SCYL2: variants seen among roughly 807,000 people sequenced by gnomAD.
SCYL2 encodes SCY1-like protein 2.
In SCYL2, 36 loss-of-function variants were observed where a neutral mutation model predicts 100.4. That is an observed-to-expected ratio of 0.36 (90% CI 0.27 to 0.47). The LOEUF (loss-of-function observed/expected upper bound fraction) is 0.47, where lower values mean the gene tolerates loss of function less well. Ranked by LOEUF, SCYL2 falls within the 20% of genes least tolerant of loss-of-function variation. SCYL2 has a pLI of 1.00. For missense variants in SCYL2, 902 were observed against 1,083.9 expected (o/e 0.83, Z 2.36); for synonymous variants, 330 against 359.2 (o/e 0.92, Z 0.92).
intron 1 of SCYL2, among the ~76,000 whole-genome samples, chr12:100,279,273 A>G (rs1351079568): frequency 6.6e-6 from 1 of 152,194 alleles, no homozygotes; most frequent in Non-Finnish European, 1.5e-5. Flanking sequence ...TGTGCAGTTC[A>G]CAGTAGGGTT....
intron 10 of SCYL2, chr12:100,319,103 A>G: frequency 2.8e-6 from 1 of 355,574 alleles, no homozygotes; most frequent in South Asian, 2.3e-5. Context: ...TAAAGTTAAT[A>G]TGAACCTAAT....
At chr12:100,299,460 C>A (rs934023443) in intron 4 of SCYL2, among the ~76,000 whole-genome samples, 1 of 152,174 alleles carries the variant, frequency 6.6e-6, no homozygotes, top group African/African-American at 2.4e-5. Flanking sequence ...CAAGATACTG[C>A]ATCTATTTGT....
At chr12:100,320,186 G>C (rs2096354008) in intron 10 of SCYL2, among the ~76,000 whole-genome samples, 1 of 152,108 alleles carries the variant, frequency 6.6e-6, no homozygotes, top group Non-Finnish European at 1.5e-5. Context: ...ACTCCTTTGA[G>C]GTTTGATTTT....
intron 13 of SCYL2, 137 bp downstream of exon 13, chr12:100,329,456 T>G: frequency 2.0e-6 from 1 of 511,244 alleles, no homozygotes; most frequent in Admixed American, 2.9e-5. Flanking sequence ...ATGAAGAAAG[T>G]TTGTGGGTGG....
Position 100,323,569 on chromosome 12 carries a change from C to T in SCYL2, c.1440C>T (p.Asp480=). 3 of 1,605,996 alleles carry T rather than the reference C, an allele frequency of 1.9e-6. No individual in the cohort carries two copies. Among genetic ancestry groups the T allele is most frequent in the Admixed American group, 1.7e-5 (1 of 58,924 alleles). The change falls in exon 11 of 18, where the codon GAC becomes GAT. Residue 480 remains aspartate, a synonymous_variant. Transcript: ENST00000360820. The part of the protein sequence containing the change: ...NIIPTFANLI[D]YPSMKNALIP... ...TTCCAACCTTTGCAAATCTTATAGA[C>T]TACCCATCCATGAAAAACGCTTTGA... is the stretch of plus-strand genomic sequence containing the variant.
At position 100,267,205 on chromosome 12, in the gene SCYL2, TC is replaced by T; in HGVS notation, c.-612del. 1.0e-6 allele frequency: 1 copy of T among 981,324 alleles called. No homozygotes were observed. The highest frequency in any genetic ancestry group is 1.7e-5 in the South Asian group (1 of 59,394). The allele number at this position is 981,324 out of a possible 1,614,324, so 60.8% of individuals were successfully genotyped here. A position where few individuals can be genotyped will look rare whatever the true frequency, so the allele number is the denominator to read the frequency against. On this transcript the variant is annotated 5_prime_UTR_variant, in exon 1 of 18. Coordinates refer to ENST00000360820, the MANE Select transcript of SCYL2 (RefSeq NM_017988.6). ...CTTTTTCCCCCTCCCTTACTCTTCG[TC>T]CCCGGTCCCTCCCCTCCCCACCCCT... is the stretch of plus-strand genomic sequence containing the variant.
At chr12:100,289,318 G>A (rs1023990718) in intron 2 of SCYL2, among the ~76,000 whole-genome samples, 1 of 152,140 alleles carries the variant, frequency 6.6e-6, no homozygotes, top group Non-Finnish European at 1.5e-5. Context: ...TTTCTGGGGC[G>A]ACAGAATGAT....
Position 100,335,899 on chromosome 12 carries a change from A to G in SCYL2, c.2018A>G (p.His673Arg), listed in dbSNP as rs765061514. ...AAAGAGGACGGGTTACAGAATAAAC[A>G]TAAAAGAGTGAGTTTCCTTACTGTT... is the stretch of plus-strand genomic sequence containing the variant. ...ENKEDGLQNK[H>R]KRASLTLEEK... Residue 673 changes from histidine (H) to arginine (R), a missense_variant, in exon 16 of 18, where the codon CAT becomes CGT. His to Arg is a conservative substitution (Grantham distance 29). Transcript: ENST00000360820. 28 of 1,610,898 alleles carry G rather than the reference A, an allele frequency of 1.7e-5. No individual in the cohort carries two copies. The highest frequency in any genetic ancestry group is 2.3e-5 in the Non-Finnish European group (27 of 1,177,402).
intron 6 of SCYL2, among the ~76,000 whole-genome samples, chr12:100,313,026 G>A (rs1206063440): frequency 2.0e-5 from 3 of 152,164 alleles, no homozygotes; most frequent in Non-Finnish European, 2.9e-5. Context: ...TTGGAAGGCC[G>A]ATCAGGGTGG....
At chr12:100,289,118 T>C (rs887764739) in intron 2 of SCYL2, among the ~76,000 whole-genome samples, 2 of 152,158 alleles carry the variant, frequency 1.3e-5, no homozygotes, top group African/African-American at 4.8e-5. Flanking sequence ...AGGTCATTTG[T>C]TTTTAGTTCG....
At chr12:100,307,482 CAAA>C (rs2096336067) in intron 4 of SCYL2, among the ~76,000 whole-genome samples, 1 of 152,136 alleles carries the variant, frequency 6.6e-6, no homozygotes, top group Non-Finnish European at 1.5e-5. Flanking sequence ...ACACCTTATA[CAAA>C]AATTAACTCA....
At chr12:100,283,925 C>T (rs751748718) in intron 2 of SCYL2, among the ~76,000 whole-genome samples, 8 of 152,166 alleles carry the variant, frequency 5.3e-5, no homozygotes, top group Non-Finnish European at 1.2e-4. Flanking sequence ...TGATCTGCAT[C>T]TGAAATGCTG....
chr12:100,299,536 C>T (rs140770757), intron 4 of SCYL2, among the ~76,000 whole-genome samples: 36 of 152,148 alleles, frequency 2.4e-4, no homozygotes, highest in Non-Finnish European at 4.0e-4. Flanking sequence ...TTTGTCTGTC[C>T]CTTGTCTCAG....
At chr12:100,280,285 GA>G (rs1190627516) in intron 1 of SCYL2, among the ~76,000 whole-genome samples, 4 of 152,178 alleles carry the variant, frequency 2.6e-5, no homozygotes, top group South Asian at 4.2e-4. Flanking sequence ...AAAATGTATA[GA>G]AAAAATTGTT....
intron 4 of SCYL2, among the ~76,000 whole-genome samples, chr12:100,303,396 T>C (rs1207919415): frequency 6.6e-6 from 1 of 152,222 alleles, no homozygotes; most frequent in African/African-American, 2.4e-5. Flanking sequence ...TATCTACCTT[T>C]GGTCTTTGAT....
At chr12:100,322,489 G>A (rs1262736018) in intron 10 of SCYL2, among the ~76,000 whole-genome samples, 1 of 151,976 alleles carries the variant, frequency 6.6e-6, no homozygotes, top group East Asian at 1.9e-4. Context: ...GGTCTCAGTG[G>A]TTCATGCCTA....
intron 2 of SCYL2, among the ~76,000 whole-genome samples, chr12:100,284,814 T>C (rs1364887171): frequency 1.3e-5 from 2 of 152,174 alleles, no homozygotes; most frequent in Admixed American, 6.5e-5. Context: ...TTCTCACTAT[T>C]ATTTTTTTCT....
chr12:100,323,286 G>C (rs1022015686), intron 10 of SCYL2, among the ~76,000 whole-genome samples: 2 of 152,136 alleles, frequency 1.3e-5, no homozygotes, highest in African/African-American at 4.8e-5. Flanking sequence ...TCATACACTA[G>C]TTATTATGAC....
At chr12:100,268,484 ACTT>A (rs1364523902) in intron 1 of SCYL2, among the ~76,000 whole-genome samples, 1 of 152,086 alleles carries the variant, frequency 6.6e-6, no homozygotes, top group East Asian at 1.9e-4. Flanking sequence ...TATATAAATT[ACTT>A]CTTGAGGCAA....
Sources: gnomAD v4.1 joint callset for allele counts (sites outside exome capture counted in the v4.1 genomes callset) on GRCh38, gnomAD v4.1.1 for gene constraint, MANE v1.5 for transcripts, NCBI Gene and HGNC (gene_info 2026-07-23, HGNC 2026-07-21) for gene names.